AMMECR1: variants seen among roughly 807,000 people sequenced by gnomAD.
AMMECR1 encodes the protein AMMECR nuclear protein 1, also known as nuclear protein AMMECR1.
Under a neutral mutation model 22.5 loss-of-function variants are expected in AMMECR1, and 3 were observed. That is an observed-to-expected ratio of 0.13 (90% CI 0.06 to 0.35). AMMECR1 has a LOEUF of 0.35. Ranked by LOEUF, AMMECR1 falls within the 10% of genes least tolerant of loss-of-function variation. The pLI, the probability that AMMECR1 is intolerant of heterozygous loss-of-function variation, is 1.00. For missense variants in AMMECR1, 235 were observed against 278.7 expected, an observed-to-expected ratio of 0.84 and a Z score of 1.12; for synonymous variants, 130 against 116.7, an observed-to-expected ratio of 1.11 and a Z score of -0.74.
chrX:110,264,388 G>A (rs1230683929), intron 2 of AMMECR1, 101 bp downstream of exon 2: 2 of 480,581 alleles, frequency 4.2e-6, no homozygotes, highest in African/African-American at 4.9e-5. Flanking sequence ...AGGAAGACAA[G>A]AACGTTGACA....
At chrX:110,352,480 A>G (rs531002693) in intron 2 of AMMECR1, among the ~76,000 whole-genome samples, 8 of 112,406 alleles carry the variant, frequency 7.1e-5, no homozygotes, top group Middle Eastern at 4.6e-3. Context: ...TGCATAAGAA[A>G]TGTTTAGAAT....
intron 2 of AMMECR1, chrX:110,419,062 A>G (rs1325673068): frequency 8.9e-6 from 1 of 112,053 alleles, no homozygotes; most frequent in Admixed American, 9.4e-5. Flanking sequence ...TGGAAGGCAA[A>G]GGGCCTCAGC....
chrX:110,347,841 A>G (rs1268957710), intron 2 of AMMECR1, among the ~76,000 whole-genome samples: 1 of 112,065 alleles, frequency 8.9e-6, no homozygotes, highest in African/African-American at 3.2e-5. Flanking sequence ...TATACACATG[A>G]TTCCATCTAT....
At chrX:110,301,176 A>ATG (rs2067964883) in intron 1 of AMMECR1, among the ~76,000 whole-genome samples, 1 of 112,489 alleles carries the variant, frequency 8.9e-6, no homozygotes, top group African/African-American at 3.2e-5. Context: ...AGTTCTGTAA[A>ATG]GCCTATATTC....
At chrX:110,297,761 T>C (rs1030767491) in intron 1 of AMMECR1, among the ~76,000 whole-genome samples, 2 of 111,394 alleles carry the variant, frequency 1.8e-5, no homozygotes, top group African/African-American at 6.5e-5. Context: ...ATACCCTCTT[T>C]ACTTGAGTTT....
intron 1 of AMMECR1, among the ~76,000 whole-genome samples, chrX:110,312,441 A>C (rs1313185122): frequency 8.9e-6 from 1 of 112,230 alleles, no homozygotes; most frequent in Non-Finnish European, 1.9e-5. Flanking sequence ...GAGAGATTTC[A>C]GCAGAGATTC....
At chrX:110,198,859 G>T (rs1036249919) in intron 5 of AMMECR1, among the ~76,000 whole-genome samples, 4 of 111,299 alleles carry the variant, frequency 3.6e-5, no homozygotes, top group Non-Finnish European at 7.5e-5. Flanking sequence ...ACTACTCCTT[G>T]TTTAAATTGT....
intron 1 of AMMECR1, among the ~76,000 whole-genome samples, chrX:110,300,843 G>C (rs898331471): frequency 9.0e-6 from 1 of 111,562 alleles, no homozygotes; most frequent in Non-Finnish European, 1.9e-5. Flanking sequence ...AATATGTTTA[G>C]ATAAATGCTT....
intron 2 of AMMECR1, among the ~76,000 whole-genome samples, chrX:110,378,408 G>C (rs775778838): frequency 8.1e-5 from 9 of 111,392 alleles, no homozygotes; most frequent in African/African-American, 2.9e-4. Context: ...CATATCCAAA[G>C]TATCCTAAAC....
At chrX:110,244,023 G>C (rs900271958) in intron 2 of AMMECR1, among the ~76,000 whole-genome samples, 1 of 111,437 alleles carries the variant, frequency 9.0e-6, no homozygotes, top group East Asian at 2.8e-4. Flanking sequence ...TGTGCTTCTT[G>C]TCTTGTGTTG....
chrX:110,247,231 C>A (rs999500715), intron 2 of AMMECR1, among the ~76,000 whole-genome samples: 1 of 112,144 alleles, frequency 8.9e-6, no homozygotes, highest in Non-Finnish European at 1.9e-5. Context: ...TTAGGAAACA[C>A]GTGACATGGG....
chrX:110,374,040 C>T (rs189093832), intron 2 of AMMECR1, among the ~76,000 whole-genome samples: 44 of 111,649 alleles, frequency 3.9e-4, no homozygotes, highest in African/African-American at 1.4e-3. Context: ...TAACAAGAAA[C>T]TTCACATTCA....
intron 2 of AMMECR1, among the ~76,000 whole-genome samples, chrX:110,373,760 A>G (rs2068356444): frequency 8.9e-6 from 1 of 112,354 alleles, no homozygotes; most frequent in African/African-American, 3.2e-5. Flanking sequence ...CATAATACAT[A>G]AAGCAAGAGC....
At chrX:110,354,594 TGTATATTAA>T (rs1390939957) in intron 2 of AMMECR1, among the ~76,000 whole-genome samples, 1 of 112,023 alleles carries the variant, frequency 8.9e-6, no homozygotes, top group African/African-American at 3.2e-5. Context: ...AAGAGATAAC[TGTATATTAA>T]ATAAAGCTAT....
chrX:110,310,318 C>T (rs1301972597), intron 1 of AMMECR1, among the ~76,000 whole-genome samples: 1 of 111,701 alleles, frequency 9.0e-6, no homozygotes, highest in Non-Finnish European at 1.9e-5. Flanking sequence ...GGCTTATGAA[C>T]TCTGAATCAT....
At position 110,195,772 on chromosome X, in the gene AMMECR1, TA is replaced by T. The variant is rs1396582526; in HGVS notation, c.*2747del. 1.8e-5 allele frequency: 2 copies of T among 112,493 alleles called. No homozygotes were observed. The highest frequency in any genetic ancestry group is 6.5e-5 in the African/African-American group (2 of 30,966). The allele number at this position is 112,493 out of a possible 1,213,427, so 9.3% of individuals were successfully genotyped here. The stretch of plus-strand genomic sequence containing the variant: ...CTACATATTTCAACATGTTCAAAGT[TA>T]ATTCATACCACATAATTAACAGCTT... On this transcript the variant is annotated 3_prime_UTR_variant, in exon 6 of 6. Transcript: ENST00000262844.
intron 2 of AMMECR1, among the ~76,000 whole-genome samples, chrX:110,411,354 T>TG (rs1458220455): frequency 1.8e-5 from 2 of 111,867 alleles, no homozygotes; most frequent in East Asian, 5.6e-4. Context: ...TCACCATTTC[T>TG]GGGGAAAAGG....
intron 2 of AMMECR1, among the ~76,000 whole-genome samples, chrX:110,260,487 C>T (rs1036732931): frequency 8.1e-5 from 9 of 110,487 alleles, no homozygotes; most frequent in African/African-American, 3.0e-4. Context: ...CATATTTGAA[C>T]ATACAACTTG....
intron 2 of AMMECR1, among the ~76,000 whole-genome samples, chrX:110,355,360 A>G (rs762411895): frequency 5.4e-5 from 6 of 112,125 alleles, no homozygotes; most frequent in African/African-American, 1.9e-4. Context: ...TAATTGTGCC[A>G]CCACACTTCA....
Sources: allele counts gnomAD v4.1 joint callset (sites outside exome capture counted in the v4.1 genomes callset), GRCh38; gene constraint gnomAD v4.1.1; transcripts MANE v1.5; gene names NCBI Gene and HGNC (gene_info 2026-07-23, HGNC 2026-07-21).